LIPE: variants seen among roughly 807,000 people sequenced by gnomAD.
The protein encoded by LIPE is lipase E, hormone sensitive type.
In LIPE, 66 loss-of-function variants were observed where a neutral mutation model predicts 88.5. The ratio of observed to expected loss-of-function variants is 0.75; its 90% CI spans 0.61 to 0.91. The LOEUF (loss-of-function observed/expected upper bound fraction) is 0.91, where lower values mean the gene tolerates loss of function less well. LIPE is among the 40% of genes least tolerant of loss of function. LIPE has a pLI of 0.00. For missense variants in LIPE, 1,346 were observed against 1,434.7 expected (o/e 0.94, Z 1.00); for synonymous variants, 570 against 617.5 (o/e 0.92, Z 1.14).
At chr19:42,405,604 G>A in intron 7 of LIPE, 43 bp from the exon 8 acceptor site, 1 of 1,577,456 alleles carries the variant, frequency 6.3e-7, no homozygotes, top group Non-Finnish European at 8.6e-7. Context: ...TCCCCTTTCT[G>A]GGCCCAGTTT....
chr19:42,423,307 G>T, intron 1 of LIPE: 1 of 802,830 alleles, frequency 1.2e-6, no homozygotes, highest in Non-Finnish European at 1.8e-6. Flanking sequence ...CAATGGGCCA[G>T]TCCGCGGACC....
At chr19:42,423,733 C>G in intron 1 of LIPE, 1 of 1,134,374 alleles carries the variant, frequency 8.8e-7, no homozygotes, top group Non-Finnish European at 1.1e-6. Flanking sequence ...AATTTAAGAT[C>G]TGGCTCCGCC....
At chr19:42,424,425 C>G (rs945382882) in intron 1 of LIPE, 1 of 456,188 alleles carries the variant, frequency 2.2e-6, no homozygotes, top group Non-Finnish European at 4.4e-6. Context: ...GGCAACCTCG[C>G]CCGCCGCGGT....
At position 42,410,956 on chromosome 19, in the gene LIPE, T is replaced by C; in HGVS notation, c.884-114A>G. Reference sequence around the variant, plus strand: ...TCCTCCTTCAAACCTCAGTGCTGTCTTCTTTCAGTTCCAGGGGCCCAGGAC... The same window carrying C: ...TCCTCCTTCAAACCTCAGTGCTGTCCTCTTTCAGTTCCAGGGGCCCAGGAC... On this transcript the variant is annotated intron_variant, in intron 1 of 9. Coordinates refer to ENST00000244289, the MANE Select transcript of LIPE (RefSeq NM_005357.4). The surrounding 1 kb of genome is among the most constrained non-coding windows in gnomAD (Gnocchi z 6.1). 1 of 1,033,738 alleles carries C rather than the reference T, an allele frequency of 9.7e-7. No homozygotes were observed. Among genetic ancestry groups the C allele is most frequent in the South Asian group, 1.8e-5 (1 of 55,704 alleles). 64.0% of individuals were successfully genotyped at this position (1,033,738 alleles called of 1,614,324 possible).
Position 42,426,386 on chromosome 19 carries a change from G to A in LIPE, c.764C>T (p.Ala255Val). The change falls in exon 1 of 10, where the codon GCC (alanine) becomes GTC (valine). Residue 255 changes from alanine (A) to valine (V), a missense_variant. Transcript: ENST00000244289. ...DSPATMGGMV[A>V]QGVKLGFKGK... ...TTTGAAGCCTAGCTTCACTCCCTGG[G>A]CCACCATTCCACCCATCGTGGCTGG... 6.2e-7 allele frequency: 1 copy of A among 1,613,930 alleles called. No homozygotes were observed. The highest frequency in any genetic ancestry group is 8.5e-7 in the Non-Finnish European group (1 of 1,179,966).
intron 1 of LIPE, among the ~76,000 whole-genome samples, chr19:42,421,959 A>G (rs549093557): frequency 6.6e-6 from 1 of 152,236 alleles, no homozygotes; most frequent in Non-Finnish European, 1.5e-5. Flanking sequence ...GCCCTGCCCA[A>G]CTGGATTCTG....
intron 1 of LIPE, among the ~76,000 whole-genome samples, chr19:42,419,235 A>G (rs10416915): frequency 0.066 from 10,027 of 152,234 alleles, 1,047 homozygotes; most frequent in African/African-American, 0.22. Flanking sequence ...CCAAGATCAC[A>G]CCATTGCACT....
intron 1 of LIPE, chr19:42,411,260 C>G (rs1212518415): frequency 1.0e-6 from 1 of 972,612 alleles, no homozygotes; most frequent in Non-Finnish European, 1.2e-6. Context: ...TTCCCTAACT[C>G]ATTCACCTCT....
chr19:42,424,195 G>T lies in LIPE; in HGVS notation c.883+2072C>A, dbSNP rs567743665. 1.7e-4 allele frequency: 163 copies of T among 973,740 alleles called. 3 individuals are homozygous for T. The South Asian group carries it at 2.2e-3, about 13-fold the overall frequency. 60.3% of individuals were successfully genotyped at this position (973,740 alleles called of 1,614,324 possible). The stretch of plus-strand genomic sequence containing the variant: ...TCTCCGCCCCCTAATCCATGCTCCC[G>T]ATAATGAGGGTGGGGGATGGTGGTA... On this transcript the variant is annotated intron_variant, in intron 1 of 9. Transcript: ENST00000244289.
chr19:42,417,006 C>T (rs1261466820), intron 1 of LIPE, among the ~76,000 whole-genome samples: 5 of 152,268 alleles, frequency 3.3e-5, no homozygotes, highest in Middle Eastern at 3.4e-3. Context: ...CTGCAAGCTC[C>T]GCCTCCCGGG....
Position 42,427,124 on chromosome 19 carries a change from G to C in LIPE, c.26C>G (p.Ser9Cys). The change falls in exon 1 of 10, where the codon TCT (serine) becomes TGT (cysteine). Residue 9 changes from serine to cysteine, a missense_variant. By Grantham distance (112) the Ser-to-Cys change is moderately radical. Transcript: ENST00000244289. ...TGGTTCAGGTTGCCAGTCTGACCTAGACACTGACTTAGAACCTGGCTCCAT... is the reference window on the plus strand; with the variant it reads ...TGGTTCAGGTTGCCAGTCTGACCTACACACTGACTTAGAACCTGGCTCCAT... Reference protein sequence around the residue: MEPGSKSVSRSDWQPEPHQ... With the variant: MEPGSKSVCRSDWQPEPHQ... 6.2e-7 allele frequency: 1 copy of C among 1,605,194 alleles called. No individual in the cohort carries two copies. The highest frequency in any genetic ancestry group is 8.5e-7 in the Non-Finnish European group (1 of 1,177,386).
intron 1 of LIPE, among the ~76,000 whole-genome samples, chr19:42,421,252 G>A (rs1310115943): frequency 6.6e-6 from 1 of 151,924 alleles, no homozygotes; most frequent in Non-Finnish European, 1.5e-5. Context: ...CTTCCTCCTG[G>A]CCCTGGCTGA....
In LIPE at chr19:42,410,414, G is replaced by A; in HGVS notation, c.1312C>T (p.Pro438Ser). 1 of 1,614,212 alleles carries A rather than the reference G, an allele frequency of 6.2e-7. No homozygotes were observed. Among genetic ancestry groups the A allele is most frequent in the Admixed American group, 1.7e-5 (1 of 60,030 alleles). Residue 438 changes from proline (P) to serine (S), a missense_variant, in exon 2 of 10, where the codon CCG (proline) becomes TCG (serine). Physicochemically the swap from Pro to Ser is moderately conservative, Grantham distance 74 (BLOSUM62 -1). Coordinates refer to ENST00000244289, the MANE Select transcript of LIPE (RefSeq NM_005357.4). The surrounding 1 kb of genome is among the most constrained non-coding windows in gnomAD (Gnocchi z 6.1). Reference sequence around the variant, plus strand: ...TCGCCCTCAAAGAAGAGTACCCCCGGCCGATTGGTAACCAGCAGGCGCTGG... The same window carrying A: ...TCGCCCTCAAAGAAGAGTACCCCCGACCGATTGGTAACCAGCAGGCGCTGG... ...YAQRLLVTNR[P>S]GVLFFEGDEG...
rs2040202140 is a variant in LIPE, at chr19:42,406,896, G to A, written c.2137+278C>T. 6.6e-6 allele frequency among the ~76,000 whole-genome samples: 1 copy of A among 152,150 alleles called. No individual in the cohort carries two copies. The highest frequency in any genetic ancestry group is 2.4e-5 in the African/African-American group (1 of 41,424). ...GCCAGGAGGCTGGTAGGACAGGAGA[G>A]CAGGGCCTGGAGCTATCAGAGGGGG... On this transcript the variant is annotated intron_variant, in intron 6 of 9. Coordinates refer to ENST00000244289, the MANE Select transcript of LIPE (RefSeq NM_005357.4). This position sits in a 1 kb window ranked among gnomAD's most constrained non-coding sequence, Gnocchi z 5.7.
chr19:42,422,502 C>T (rs930165093), intron 1 of LIPE, among the ~76,000 whole-genome samples: 2 of 152,164 alleles, frequency 1.3e-5, no homozygotes, highest in African/African-American at 4.8e-5. Context: ...CTGAAGCCAA[C>T]TCCAGGTCTA....
intron 1 of LIPE, among the ~76,000 whole-genome samples, chr19:42,425,388 T>C (rs976655377): frequency 2.6e-5 from 4 of 152,122 alleles, no homozygotes; most frequent in African/African-American, 4.8e-5. Flanking sequence ...AAATCCTCTA[T>C]AGGGAGGCAG....
At chr19:42,426,192 G>GT (rs1208839983) in intron 1 of LIPE, 75 bp downstream of exon 1, 1 of 1,437,554 alleles carries the variant, frequency 7.0e-7, no homozygotes, top group African/African-American at 1.5e-5. Context: ...CTGATACACC[G>GT]TAAGTTTTTA....
chr19:42,426,152 C>T, intron 1 of LIPE, 115 bp downstream of exon 1: 4 of 387,994 alleles, frequency 1.0e-5, no homozygotes, highest in East Asian at 5.1e-5. Context: ...ATCTTTATCT[C>T]AGGATTGTTG....
intron 1 of LIPE, among the ~76,000 whole-genome samples, chr19:42,413,422 T>C (rs1426925968): frequency 3.9e-5 from 6 of 152,206 alleles, no homozygotes; most frequent in Admixed American, 6.5e-5. Flanking sequence ...TCCCAGCATT[T>C]TGGGAGGCCG....
Sources: allele counts gnomAD v4.1 joint callset (sites outside exome capture counted in the v4.1 genomes callset), GRCh38; gene constraint gnomAD v4.1.1; non-coding constraint Gnocchi (gnomAD v3.1); transcripts MANE v1.5; gene names NCBI Gene and HGNC (gene_info 2026-07-23, HGNC 2026-07-21).